CPXM2: variants seen among roughly 807,000 people sequenced by gnomAD.
CPXM2 encodes the protein inactive carboxypeptidase-like protein X2.
CPXM2 carries 66 observed loss-of-function variants against 86.1 expected under a neutral mutation model. The observed-to-expected ratio is 0.77, with a 90% CI of 0.63 to 0.94. CPXM2 has a LOEUF of 0.94. CPXM2 is among the 40% of genes least tolerant of loss of function. The pLI, the probability that CPXM2 is intolerant of heterozygous loss-of-function variation, is 0.00. For missense variants in CPXM2, 948 were observed against 1,026.3 expected, an observed-to-expected ratio of 0.92 and a Z score of 1.04; for synonymous variants, 388 against 400.2, an observed-to-expected ratio of 0.97 and a Z score of 0.36.
chr10:123,872,126 T>C (rs1029514487), intron 2 of CPXM2, among the ~76,000 whole-genome samples: 1 of 152,178 alleles, frequency 6.6e-6, no homozygotes, highest in Non-Finnish European at 1.5e-5. Flanking sequence ...TACAATCAAT[T>C]TGGAAAAATC....
In CPXM2 at chr10:123,869,428, A is replaced by C. The variant is rs115827496; in HGVS notation, c.404-6705T>G. ...GAAGAAAAAAGGATCTAATCCTGAG[A>C]AGCATGTGGGTGAGGAGAACACAGA... On this transcript the variant is annotated intron_variant, in intron 2 of 13. Coordinates refer to ENST00000241305, the MANE Select transcript of CPXM2 (RefSeq NM_198148.3). Among the ~76,000 whole-genome samples, 853 of 152,334 alleles carry C rather than the reference A, an allele frequency of 5.6e-3. 3 individuals carry two copies. Among genetic ancestry groups the C allele is most frequent in the African/African-American group, 0.019 (794 of 41,582 alleles).
intron 2 of CPXM2, among the ~76,000 whole-genome samples, chr10:123,930,539 T>C (rs940485210): frequency 1.3e-5 from 2 of 152,188 alleles, no homozygotes; most frequent in African/African-American, 4.8e-5. Context: ...TCCTGGACCC[T>C]GCTTCAAAGC....
intron 5 of CPXM2, among the ~76,000 whole-genome samples, chr10:123,798,415 T>C (rs1211527201): frequency 6.6e-6 from 1 of 152,036 alleles, no homozygotes; most frequent in East Asian, 1.9e-4. Context: ...TTTCAGAAGA[T>C]GGAGAGGACC....
At chr10:123,901,904 C>T (rs1430718884) in intron 2 of CPXM2, among the ~76,000 whole-genome samples, 6 of 152,266 alleles carry the variant, frequency 3.9e-5, no homozygotes, top group Non-Finnish European at 5.9e-5. Context: ...TGTCATCACT[C>T]GGAGGTAAGC....
chr10:123,754,632 C>A lies in CPXM2; in HGVS notation c.2017+31G>T. 2.5e-6 allele frequency: 3 copies of A among 1,179,922 alleles called. No homozygotes were observed. The highest frequency in any genetic ancestry group is 1.2e-5 in the South Asian group (1 of 81,384). The allele number at this position is 1,179,922 out of a possible 1,614,324, so 73.1% of individuals were successfully genotyped here. A position where few individuals can be genotyped will look rare whatever the true frequency, so the allele number is the denominator to read the frequency against. ...GCCTAAAAAAATGGGTATTTCTTAC[C>A]AAGAGACAGTCTGCACACATTTGCA... On this transcript the variant is annotated intron_variant, in intron 13 of 13. Coordinates refer to ENST00000241305, the MANE Select transcript of CPXM2 (RefSeq NM_198148.3). The surrounding 1 kb of genome is among the most constrained non-coding windows in gnomAD (Gnocchi z 4.0).
At position 123,906,333 on chromosome 10, in the gene CPXM2, C is replaced by T. The variant is rs538782300; in HGVS notation, n.175-26024G>A. Among the ~76,000 whole-genome samples, 19 of 152,284 alleles carry T rather than the reference C, an allele frequency of 1.2e-4. No individual in the cohort carries two copies. The Middle Eastern group carries it at 0.01, about 82-fold the overall frequency. Reference sequence around the variant, plus strand: ...AGGTGCTTCACAAAATGAAACGCTACGTAAATGTCAGGCCCAATGCTGAGT... The same window carrying T: ...AGGTGCTTCACAAAATGAAACGCTATGTAAATGTCAGGCCCAATGCTGAGT... On this transcript the variant is annotated intron_variant and non_coding_transcript_variant, in intron 2 of 19. Coordinates refer to the CPXM2 transcript ENST00000368854.
rs960817438 is a variant in CPXM2, at chr10:123,900,604, A to G, written n.175-20295T>C. Among the ~76,000 whole-genome samples, 6 of 152,372 alleles carry G rather than the reference A, an allele frequency of 3.9e-5. No homozygotes were observed. In the East Asian group the frequency reaches 1.2e-3, roughly 29 times the overall value. On this transcript the variant is annotated intron_variant and non_coding_transcript_variant, in intron 2 of 19. Coordinates refer to the CPXM2 transcript ENST00000368854. ...GTGTGGAGTTTTGGGGCACCCCAGC[A>G]CTGCTGGTGAGGATTCAGATGGGTA...
chr10:123,785,478 T>C (rs1847031985), intron 6 of CPXM2, among the ~76,000 whole-genome samples: 1 of 152,174 alleles, frequency 6.6e-6, no homozygotes, highest in Admixed American at 6.5e-5. Flanking sequence ...CCCAGGACTG[T>C]CCTGGTTTTA....
chr10:123,906,082 G>T lies in CPXM2; in HGVS notation n.175-25773C>A, dbSNP rs183504819. On this transcript the variant is annotated intron_variant and non_coding_transcript_variant, in intron 2 of 19. Coordinates refer to the CPXM2 transcript ENST00000368854. Reference sequence around the variant, plus strand: ...CTTTGCTCTCACATCCCACTGCCAGGCATAGCCTTGCCAGCTCCAGAAAGC... The same window carrying T: ...CTTTGCTCTCACATCCCACTGCCAGTCATAGCCTTGCCAGCTCCAGAAAGC... Among the ~76,000 whole-genome samples, 12 of 152,236 alleles carry T rather than the reference G, an allele frequency of 7.9e-5. No individual in the cohort carries two copies. The East Asian group carries it at 2.3e-3, about 29-fold the overall frequency.
At chr10:123,875,807 CTT>C (rs780970130) in intron 2 of CPXM2, among the ~76,000 whole-genome samples, 2,582 of 84,326 alleles carry the variant, frequency 0.031, 15 homozygotes, top group East Asian at 0.098. Flanking sequence ...TCTTTTCTTT[CTT>C]TTTTTTTTTT....
intron 4 of CPXM2, among the ~76,000 whole-genome samples, chr10:123,837,795 G>A (rs1239492629): frequency 6.6e-6 from 1 of 152,126 alleles, no homozygotes; most frequent in Admixed American, 6.5e-5. Flanking sequence ...CTTTCAAATA[G>A]CATGAATTAT....
intron 2 of CPXM2, chr10:123,914,011 G>A (rs761413791): frequency 1.2e-5 from 6 of 494,896 alleles, no homozygotes; most frequent in Non-Finnish European, 2.4e-5. Flanking sequence ...TCCCTCCCCT[G>A]GGGTTTCAGA....
intron 2 of CPXM2, among the ~76,000 whole-genome samples, chr10:123,906,309 G>A (rs1033498871): frequency 1.3e-5 from 2 of 152,192 alleles, no homozygotes; most frequent in Non-Finnish European, 2.9e-5. Context: ...ATGGAACCAA[G>A]GTGCTTCACA....
intron 7 of CPXM2, 149 bp from the exon 8 acceptor site, chr10:123,771,188 C>T: frequency 2.9e-6 from 2 of 700,078 alleles, no homozygotes; most frequent in Non-Finnish European, 5.0e-6. Context: ...ATCGCCTCTG[C>T]CCAGAACACT....
intron 2 of CPXM2, among the ~76,000 whole-genome samples, chr10:123,924,817 C>T (rs1945610095): frequency 1.3e-5 from 2 of 152,034 alleles, no homozygotes; most frequent in Non-Finnish European, 2.9e-5. Context: ...CAAAGCATGC[C>T]CCTATCACCT....
At chr10:123,881,319 G>A (rs7088023) in intron 1 of CPXM2, among the ~76,000 whole-genome samples, 75,600 of 125,190 alleles carry the variant, frequency 0.6, 24,984 homozygotes, top group African/African-American at 0.77. Flanking sequence ...CTCTGGCATC[G>A]CCTCCTTAAA....
At chr10:123,772,116 C>A (rs1322607067) in intron 7 of CPXM2, among the ~76,000 whole-genome samples, 1 of 152,072 alleles carries the variant, frequency 6.6e-6, no homozygotes, top group Non-Finnish European at 1.5e-5. Flanking sequence ...CTGACTGTGG[C>A]TATCACCTCC....
At chr10:123,790,379 GAGTGACTGAAGACGGA>G (rs1338025049) in intron 6 of CPXM2, among the ~76,000 whole-genome samples, 1 of 151,872 alleles carries the variant, frequency 6.6e-6, no homozygotes, top group Non-Finnish European at 1.5e-5. Context: ...AGGTGACTAG[GAGTGACTGAAGACGGA>G]GCAGGTGACC....
At chr10:123,777,987 GAAT>G in intron 7 of CPXM2, among the ~76,000 whole-genome samples, 1 of 152,232 alleles carries the variant, frequency 6.6e-6, no homozygotes, top group East Asian at 1.9e-4. Context: ...TATTTTCTTG[GAAT>G]AATTCCCTTT....
Sources: allele counts gnomAD v4.1 joint callset (sites outside exome capture counted in the v4.1 genomes callset), GRCh38; gene constraint gnomAD v4.1.1; non-coding constraint Gnocchi (gnomAD v3.1); transcripts MANE v1.5; gene names NCBI Gene and HGNC (gene_info 2026-07-23, HGNC 2026-07-21).